The following INPP4A variants were observed in gnomAD, a reference collection of about 807,000 sequenced individuals.
INPP4A encodes the protein inositol polyphosphate-4-phosphatase type I A, also known as inositol polyphosphate-4-phosphatase, type I, 107kD.
INPP4A carries 33 observed loss-of-function variants against 119.8 expected under a neutral mutation model. The observed-to-expected ratio is 0.28, with a 90% confidence interval of 0.21 to 0.37. INPP4A has a LOEUF of 0.37. Among genes scored for constraint, INPP4A ranks in the 10% least tolerant of loss-of-function variants. The pLI is 1.00. For missense variants in INPP4A, 956 were observed against 1,289.9 expected (o/e 0.74, Z 3.97); for synonymous variants, 496 against 500.7 (o/e 0.99, Z 0.12).
At chr2:98,568,365 C>T (rs1696858102) in intron 21 of INPP4A, among the ~76,000 whole-genome samples, 1 of 152,208 alleles carries the variant, frequency 6.6e-6, no homozygotes, top group East Asian at 1.9e-4. Context: ...AACAGTGATA[C>T]ATGATTCCTG....
intron 1 of INPP4A, among the ~76,000 whole-genome samples, chr2:98,448,540 C>G (rs545694272): frequency 6.6e-6 from 1 of 152,032 alleles, no homozygotes; most frequent in Non-Finnish European, 1.5e-5. Flanking sequence ...GTTACCACGT[C>G]TTTCTTTTGT....
Position 98,552,838 on chromosome 2 carries a change from G to A in INPP4A, c.1216G>A (p.Ala406Thr), listed in dbSNP as rs755163707. ...IIYIPQDVVR[A>T]KEIIAQINTL... is the part of the protein sequence containing the mutation. ...CTACATACCCCAGGATGTTGTCAGA[G>A]CCAAGGAGATCATCGCCCAGATCAA... is the stretch of plus-strand genomic sequence containing the variant. The change falls in exon 14 of 25, where the codon GCC becomes ACC. Residue 406 changes from alanine (A) to threonine (T), a missense_variant. Ala to Thr is a moderately conservative substitution (Grantham distance 58, BLOSUM62 0). This residue lies in a region of INPP4A where 652 missense variants were observed against 797.9 expected (regional missense o/e 0.82). Transcript: ENST00000409851. 1 of 1,613,808 alleles carries A rather than the reference G, an allele frequency of 6.2e-7. No homozygotes were observed. The highest frequency in any genetic ancestry group is 8.5e-7 in the Non-Finnish European group (1 of 1,179,812).
chr2:98,500,847 GGC>G (rs1427585217), intron 1 of INPP4A, among the ~76,000 whole-genome samples: 1 of 152,194 alleles, frequency 6.6e-6, no homozygotes, highest in Non-Finnish European at 1.5e-5. Context: ...TGCACAGATG[GGC>G]CTAGAAGGTT....
At position 98,536,123 on chromosome 2, in the gene INPP4A, C is replaced by T; in HGVS notation, c.388-6C>T. On this transcript the variant is annotated splice_region_variant and splice_polypyrimidine_tract_variant and intron_variant, in intron 6 of 24. Coordinates refer to ENST00000409851, the MANE Select transcript of INPP4A (RefSeq NM_001134225.2). Reference sequence around the variant, plus strand: ...CAATGCTGCCTCTCTTCCTTCTCTTCCTCAGATGTATTTACTGGGCTCTGG... The same window carrying T: ...CAATGCTGCCTCTCTTCCTTCTCTTTCTCAGATGTATTTACTGGGCTCTGG... The T allele has an allele frequency of 6.3e-7, 1 of 1,594,540 alleles. No individual in the cohort carries two copies. The highest frequency in any genetic ancestry group is 8.6e-7 in the Non-Finnish European group (1 of 1,162,956).
chr2:98,546,161 C>A lies in INPP4A; in HGVS notation c.1054+88C>A. On this transcript the variant is annotated intron_variant, in intron 12 of 24. Transcript: ENST00000409851. The surrounding 1 kb of genome is among the most constrained non-coding windows in gnomAD (Gnocchi z 4.2). ...GGTCCCTGAGTACCCCACATCTGCC[C>A]ATTTCCCTGTGTGCTCTGGGCGGCT... 1 of 907,750 alleles carries A rather than the reference C, an allele frequency of 1.1e-6. No individual in the cohort carries two copies. The highest frequency in any genetic ancestry group is 1.5e-5 in the South Asian group (1 of 68,566). The allele number at this position is 907,750 out of a possible 1,614,324, so 56.2% of individuals were successfully genotyped here.
intron 8 of INPP4A, 47 bp from the exon 9 acceptor site, chr2:98,538,844 C>T: frequency 9.2e-7 from 1 of 1,087,288 alleles, no homozygotes. Flanking sequence ...GTTCTGGAGT[C>T]ATCTGAATCT....
At chr2:98,482,916 G>A (rs904261123) in intron 1 of INPP4A, among the ~76,000 whole-genome samples, 4 of 152,164 alleles carry the variant, frequency 2.6e-5, no homozygotes, top group Non-Finnish European at 5.9e-5. Flanking sequence ...GACCTTCAGA[G>A]GAAATGCTTA....
chr2:98,574,359 C>T (rs1283392028), intron 23 of INPP4A, among the ~76,000 whole-genome samples: 2 of 151,892 alleles, frequency 1.3e-5, no homozygotes, highest in Non-Finnish European at 2.9e-5. Flanking sequence ...AGAGGGTGGC[C>T]GGGCTCGGTG....
intron 9 of INPP4A, 111 bp from the exon 10 acceptor site, chr2:98,539,417 A>G (rs1690968232): frequency 3.4e-6 from 4 of 1,176,506 alleles, no homozygotes; most frequent in Non-Finnish European, 4.8e-6. Flanking sequence ...TGAGATGAAC[A>G]GTGAGAGGAC....
At chr2:98,535,644 A>C in intron 5 of INPP4A, 85 bp from the exon 6 acceptor site, 2 of 670,770 alleles carry the variant, frequency 3.0e-6, no homozygotes, top group South Asian at 3.6e-5. Flanking sequence ...TTAGTTTCTC[A>C]TTCTGAAAAT....
At chr2:98,581,559 C>CT in intron 24 of INPP4A, 1 of 1,491,560 alleles carries the variant, frequency 6.7e-7, no homozygotes, top group Non-Finnish European at 8.9e-7. Context: ...TTCTCCCAAA[C>CT]TTTTTCCTTT....
At chr2:98,508,513 G>A (rs1216002105) in intron 1 of INPP4A, among the ~76,000 whole-genome samples, 2 of 152,220 alleles carry the variant, frequency 1.3e-5, no homozygotes, top group African/African-American at 2.4e-5. Context: ...TCACGGGGAA[G>A]CCCGTGTCCT....
intron 1 of INPP4A, among the ~76,000 whole-genome samples, chr2:98,475,464 C>T (rs915207286): frequency 2.6e-5 from 4 of 152,162 alleles, no homozygotes; most frequent in Non-Finnish European, 4.4e-5. Context: ...ACCAGGATGA[C>T]AGATGAGGTA....
chr2:98,473,195 A>G (rs1262678687), intron 1 of INPP4A, among the ~76,000 whole-genome samples: 3 of 148,692 alleles, frequency 2.0e-5, no homozygotes, highest in Admixed American at 6.7e-5. Flanking sequence ...GTGTGGGTGG[A>G]GTGGAGAGAG....
chr2:98,532,301 A>G (rs1208771296), intron 4 of INPP4A, among the ~76,000 whole-genome samples: 2 of 151,550 alleles, frequency 1.3e-5, no homozygotes, highest in African/African-American at 4.9e-5. Flanking sequence ...CCTTCATCCC[A>G]TCACTCCTCC....
rs1310870330 is a variant in INPP4A, at chr2:98,492,240, C to T, written c.-165-26724C>T. 4.6e-5 allele frequency among the ~76,000 whole-genome samples: 7 copies of T among 152,046 alleles called. No homozygotes were observed. The East Asian group carries it at 1.3e-3, about 29-fold the overall frequency. On this transcript the variant is annotated intron_variant, in intron 1 of 24. Transcript: ENST00000409851. ...ATGATAGGTTTTTTGGGATGTAACA[C>T]CATTGTAAGTTGAGAAGCATACTGA...
intron 23 of INPP4A, among the ~76,000 whole-genome samples, chr2:98,573,813 G>A (rs939508022): frequency 6.6e-6 from 1 of 152,154 alleles, no homozygotes; most frequent in Non-Finnish European, 1.5e-5. Context: ...GTTCAAGCCG[G>A]GCTTCATGAA....
intron 1 of INPP4A, among the ~76,000 whole-genome samples, chr2:98,477,318 C>T (rs963547822): frequency 3.7e-4 from 56 of 152,230 alleles, no homozygotes; most frequent in African/African-American, 1.3e-3. Flanking sequence ...GCTTCAGGCA[C>T]GCTTCTTGGC....
intron 13 of INPP4A, among the ~76,000 whole-genome samples, chr2:98,547,106 G>A (rs952447707): frequency 1.3e-5 from 2 of 152,230 alleles, no homozygotes; most frequent in Admixed American, 6.5e-5. Context: ...TCAGGGGGCT[G>A]TACAGAGCTA....
Sources: allele counts gnomAD v4.1 joint callset (sites outside exome capture counted in the v4.1 genomes callset), GRCh38; gene constraint gnomAD v4.1.1; regional missense constraint gnomAD v4.1.1; non-coding constraint Gnocchi (gnomAD v3.1); transcripts MANE v1.5; gene names NCBI Gene and HGNC (gene_info 2026-07-23, HGNC 2026-07-21).